Variants in FLVCR2 observed in about 807,000 individuals in gnomAD.
FLVCR2 encodes the protein choline/ethanolamine transporter FLVCR2.
Under a neutral mutation model 48.9 loss-of-function variants are expected in FLVCR2, and 38 were observed. That is an observed-to-expected ratio of 0.78 (90% CI 0.60 to 1.02). The LOEUF (loss-of-function observed/expected upper bound fraction) is 1.02, where lower values mean the gene tolerates loss of function less well. Among genes scored for constraint, FLVCR2 ranks in the 50% least tolerant of loss-of-function variants. The pLI is 0.00. For missense variants in FLVCR2, 664 were observed against 663.3 expected, an observed-to-expected ratio of 1.00 and a Z score of -0.01; for synonymous variants, 255 against 257.0, an observed-to-expected ratio of 0.99 and a Z score of 0.07.
chr14:75,594,155 C>G (rs548986222), intron 1 of FLVCR2, among the ~76,000 whole-genome samples: 2 of 152,286 alleles, frequency 1.3e-5, no homozygotes, highest in Admixed American at 6.5e-5. Flanking sequence ...TTTCCAATAC[C>G]TTGTTCCTCA....
At chr14:75,627,082 G>T (rs576234108) in intron 3 of FLVCR2, among the ~76,000 whole-genome samples, 1 of 151,962 alleles carries the variant, frequency 6.6e-6, no homozygotes, top group Non-Finnish European at 1.5e-5. Context: ...GTTGCTCCTG[G>T]TCATCGAGGG....
chr14:75,578,635 C>A lies in FLVCR2; in HGVS notation c.-338C>A. On this transcript the variant is annotated 5_prime_UTR_variant, in exon 1 of 10. Coordinates refer to ENST00000238667, the MANE Select transcript of FLVCR2 (RefSeq NM_017791.3). ...CTGGCCCGGGAGAGGACTCTGCGGG[C>A]GAAGTGGCTGCGCAAGGAGAGAACT... The A allele has an allele frequency of 2.5e-6, 1 of 395,048 alleles. No individual in the cohort carries two copies. The highest frequency in any genetic ancestry group is 5.9e-5 in the East Asian group (1 of 16,936). The allele number at this position is 395,048 out of a possible 1,614,324, so 24.5% of individuals were successfully genotyped here.
chr14:75,638,899 A>T (rs959903951), intron 5 of FLVCR2, among the ~76,000 whole-genome samples: 4 of 152,200 alleles, frequency 2.6e-5, no homozygotes, highest in Admixed American at 2.0e-4. Context: ...TCATGGAGAG[A>T]AAGTTCTATG....
chr14:75,593,675 G>A (rs555675184), intron 1 of FLVCR2, among the ~76,000 whole-genome samples: 3 of 152,118 alleles, frequency 2.0e-5, no homozygotes, highest in Non-Finnish European at 4.4e-5. Flanking sequence ...GTTTAAGAGG[G>A]GACAAACTCA....
At chr14:75,581,144 C>T (rs57687705) in intron 1 of FLVCR2, among the ~76,000 whole-genome samples, 41,928 of 151,856 alleles carry the variant, frequency 0.28, 6,344 homozygotes, top group African/African-American at 0.4. Flanking sequence ...TTAGAAGAAA[C>T]ATTGGTCGTA....
chr14:75,626,630 C>T (rs922490224), intron 3 of FLVCR2, among the ~76,000 whole-genome samples: 6 of 151,888 alleles, frequency 4.0e-5, no homozygotes, highest in African/African-American at 1.5e-4. Flanking sequence ...AGAAGTCCAA[C>T]TAAGGAAGTT....
chr14:75,609,347 A>C (rs1889377489), intron 1 of FLVCR2, among the ~76,000 whole-genome samples: 1 of 152,154 alleles, frequency 6.6e-6, no homozygotes, highest in African/African-American at 2.4e-5. Context: ...GGATATTAGG[A>C]GATGTTTTTA....
At chr14:75,597,291 AAAG>A (rs59485467) in intron 1 of FLVCR2, among the ~76,000 whole-genome samples, 45,987 of 146,094 alleles carry the variant, frequency 0.31, 9,002 homozygotes, top group East Asian at 0.61. Flanking sequence ...AAAAAAAAAA[AAAG>A]AAGAAGAAGA....
chr14:75,632,576 T>C, intron 3 of FLVCR2: 1 of 701,034 alleles, frequency 1.4e-6, no homozygotes, highest in Non-Finnish European at 2.6e-6. Flanking sequence ...TGAAAGACAG[T>C]AGCTTCCGGA....
rs906645811 is a variant in FLVCR2, at chr14:75,579,332, C to T, written c.360C>T (p.Ala120=). Reference sequence around the variant, plus strand: ...TCATGCACTTCTACGGTGTCAGTGCCTTTGCCATTGACTGGCTGTCCATGT... The same window carrying T: ...TCATGCACTTCTACGGTGTCAGTGCTTTTGCCATTGACTGGCTGTCCATGT... ...NIFMHFYGVS[A]FAIDWLSMCY... Residue 120 remains alanine, a synonymous_variant, in exon 1 of 10, where the codon GCC becomes GCT. Transcript: ENST00000238667. 4.3e-6 allele frequency: 7 copies of T among 1,614,118 alleles called. No individual in the cohort carries two copies. Among genetic ancestry groups the T allele is most frequent in the Non-Finnish European group, 4.2e-6 (5 of 1,180,034 alleles).
At chr14:75,581,619 C>G (rs571577243) in intron 1 of FLVCR2, among the ~76,000 whole-genome samples, 1 of 152,198 alleles carries the variant, frequency 6.6e-6, no homozygotes, top group African/African-American at 2.4e-5. Context: ...CCGCAGTGGC[C>G]TTCTCAGACC....
chr14:75,633,720 T>C, intron 4 of FLVCR2, 24 bp downstream of exon 4: 3 of 1,576,250 alleles, frequency 1.9e-6, no homozygotes, highest in Non-Finnish European at 2.6e-6. Flanking sequence ...CTAAGCATGT[T>C]GGGCCTCAAG....
chr14:75,627,087 C>G (rs1035331035), intron 3 of FLVCR2, among the ~76,000 whole-genome samples: 12 of 151,830 alleles, frequency 7.9e-5, no homozygotes, highest in Admixed American at 2.0e-4. Flanking sequence ...TCCTGGTCAT[C>G]GAGGGGTCAA....
intron 4 of FLVCR2, among the ~76,000 whole-genome samples, chr14:75,634,608 G>A (rs1291364429): frequency 1.3e-5 from 2 of 152,184 alleles, no homozygotes; most frequent in African/African-American, 4.8e-5. Context: ...AGATAAGATA[G>A]AAGAGTTGCT....
In FLVCR2 at chr14:75,646,728, G is replaced by T; in HGVS notation, c.*256G>T. On this transcript the variant is annotated 3_prime_UTR_variant, in exon 10 of 10. Transcript: ENST00000238667. ...CTTTTAGGTTATGGGAGTTGGTGTT[G>T]GGACAGGGTGGCAGAGAATATTGGA... 2.0e-6 allele frequency: 1 copy of T among 499,334 alleles called. No individual in the cohort carries two copies. The highest frequency in any genetic ancestry group is 3.9e-5 in the East Asian group (1 of 25,428). The allele number at this position is 499,334 out of a possible 1,614,324, so 30.9% of individuals were successfully genotyped here. A position where few individuals can be genotyped will look rare whatever the true frequency, so the allele number is the denominator to read the frequency against.
intron 1 of FLVCR2, among the ~76,000 whole-genome samples, chr14:75,606,639 T>G (rs1403275509): frequency 2.0e-5 from 3 of 152,192 alleles, no homozygotes; most frequent in Non-Finnish European, 4.4e-5. Context: ...CATGAGCCCC[T>G]GCACCAGAAC....
intron 1 of FLVCR2, chr14:75,606,089 G>T: frequency 6.0e-6 from 1 of 167,352 alleles, no homozygotes; most frequent in Middle Eastern, 3.0e-3. Flanking sequence ...GCATGATCAC[G>T]GCTCACTGTA....
At chr14:75,634,136 G>T (rs1334211300) in intron 4 of FLVCR2, among the ~76,000 whole-genome samples, 2 of 152,092 alleles carry the variant, frequency 1.3e-5, no homozygotes, top group South Asian at 4.1e-4. Flanking sequence ...GAACCCACGA[G>T]GGCTGGGCTG....
At chr14:75,634,781 A>T (rs1890125362) in intron 4 of FLVCR2, 129 bp from the exon 5 acceptor site, 1 of 686,542 alleles carries the variant, frequency 1.5e-6, no homozygotes, top group African/African-American at 1.8e-5. Context: ...TCTTGTCCCG[A>T]TATGTTCTGA....
Sources: gnomAD v4.1 joint callset for allele counts (sites outside exome capture counted in the v4.1 genomes callset) on GRCh38, gnomAD v4.1.1 for gene constraint, MANE v1.5 for transcripts, NCBI Gene and HGNC (gene_info 2026-07-23, HGNC 2026-07-21) for gene names.